COL28A1: variants seen among roughly 807,000 people sequenced by gnomAD.
COL28A1 encodes the protein collagen alpha-1(XXVIII) chain.
A neutral mutation model predicts 150.2 loss-of-function variants in COL28A1; 161 were observed. The observed-to-expected ratio is 1.07, with a 90% confidence interval of 0.94 to 1.22. The LOEUF (loss-of-function observed/expected upper bound fraction) is 1.22, where lower values mean the gene tolerates loss of function less well. Among genes scored for constraint, COL28A1 ranks in the 50% most tolerant of loss-of-function variants. The probability of loss-of-function intolerance (pLI) is 0.00; values close to 1 mark genes in which losing one functional copy is unlikely to be tolerated. For missense variants in COL28A1, 1,617 were observed against 1,388.3 expected (o/e 1.16, Z -2.62); for synonymous variants, 552 against 469.7 (o/e 1.18, Z -2.26).
chr7:7,508,319 T>A (rs1381757940), intron 9 of COL28A1, among the ~76,000 whole-genome samples: 1 of 152,172 alleles, frequency 6.6e-6, no homozygotes, highest in East Asian at 1.9e-4. Flanking sequence ...TACCATAATT[T>A]ATTTACTCAT....
rs1307313796 is a variant in COL28A1, at chr7:7,358,570, T to C, written c.*63A>G. On this transcript the variant is annotated 3_prime_UTR_variant, in exon 35 of 35. Transcript: ENST00000399429. ...CTCAAATATAGTGCTGTATTTGTAT[T>C]GGGTGAATATGTGGAAATTAGGGAG... 4 of 1,450,496 alleles carry C rather than the reference T, an allele frequency of 2.8e-6. No individual in the cohort carries two copies. The highest frequency in any genetic ancestry group is 1.9e-6 in the Non-Finnish European group (2 of 1,043,328). 89.9% of individuals were successfully genotyped at this position (1,450,496 alleles called of 1,614,324 possible). A position where few individuals can be genotyped will look rare whatever the true frequency, so the allele number is the denominator to read the frequency against.
intron 27 of COL28A1, among the ~76,000 whole-genome samples, chr7:7,384,541 A>G (rs1008556000): frequency 3.3e-5 from 5 of 152,142 alleles, no homozygotes; most frequent in African/African-American, 1.2e-4. Flanking sequence ...TAGTTGTTCT[A>G]TTTTATTATG....
intron 17 of COL28A1, among the ~76,000 whole-genome samples, chr7:7,453,081 A>G (rs1208230694): frequency 6.6e-6 from 1 of 152,230 alleles, no homozygotes; most frequent in Non-Finnish European, 1.5e-5. Context: ...CTAAGGTTTT[A>G]GTAGTTGCAC....
chr7:7,364,961 G>A (rs1780858718), intron 33 of COL28A1, among the ~76,000 whole-genome samples: 2 of 152,198 alleles, frequency 1.3e-5, no homozygotes, highest in South Asian at 4.2e-4. Context: ...GAAAGAGAAA[G>A]AGATAAATTT....
At chr7:7,481,340 G>A (rs17168152) in intron 13 of COL28A1, among the ~76,000 whole-genome samples, 16,263 of 152,208 alleles carry the variant, frequency 0.11, 1,011 homozygotes, top group Middle Eastern at 0.22. Context: ...CATCAGAGTA[G>A]TATTCCACGC....
chr7:7,526,050 T>C (rs887901341), intron 3 of COL28A1, among the ~76,000 whole-genome samples: 7 of 152,168 alleles, frequency 4.6e-5, no homozygotes, highest in African/African-American at 1.2e-4. Flanking sequence ...TATGGAGAAA[T>C]AGGAACTCAG....
At chr7:7,362,779 A>G (rs1780737268) in intron 33 of COL28A1, among the ~76,000 whole-genome samples, 1 of 152,216 alleles carries the variant, frequency 6.6e-6, no homozygotes, top group Non-Finnish European at 1.5e-5. Context: ...ATGCAGATAC[A>G]GCAATTTGAA....
At position 7,436,467 on chromosome 7, in the gene COL28A1, T is replaced by C. The variant is rs11984435; in HGVS notation, c.1792-4A>G. ...TCCCAGGTCCTCCTCTATCTCCCTGTACATTTCAAATAACATTTCACAGGC... is the reference window on the plus strand; with the variant it reads ...TCCCAGGTCCTCCTCTATCTCCCTGCACATTTCAAATAACATTTCACAGGC... On this transcript the variant is annotated splice_polypyrimidine_tract_variant and splice_region_variant and intron_variant, in intron 22 of 34. Transcript: ENST00000399429. 0.011 allele frequency: 13,670 copies of C among 1,295,510 alleles called. 322 individuals are homozygous for C. Among genetic ancestry groups the C allele is most frequent in the African/African-American group, 0.091 (6,217 of 68,660 alleles). The allele number at this position is 1,295,510 out of a possible 1,614,324, so 80.3% of individuals were successfully genotyped here. A position where few individuals can be genotyped will look rare whatever the true frequency, so the allele number is the denominator to read the frequency against.
intron 15 of COL28A1, among the ~76,000 whole-genome samples, chr7:7,461,133 A>G (rs543591064): frequency 7.9e-5 from 12 of 152,348 alleles, no homozygotes; most frequent in African/African-American, 2.6e-4. Flanking sequence ...CCCTGAACAC[A>G]TACCCCCACT....
intron 6 of COL28A1, among the ~76,000 whole-genome samples, chr7:7,519,274 A>G (rs1649587149): frequency 6.6e-6 from 1 of 152,148 alleles, no homozygotes; most frequent in Non-Finnish European, 1.5e-5. Flanking sequence ...CTTACTCACT[A>G]TCACAAGAAC....
At position 7,436,390 on chromosome 7, in the gene COL28A1, CAT is replaced by C. The variant is rs1344493199; in HGVS notation, c.1860+3_1860+4del. Reference sequence around the variant, plus strand: ...AAAAACAAAAAGAACATGAATAAAGCATACCTTTGGTCCTCGAATAGAAAGTC... The same window carrying C: ...AAAAACAAAAAGAACATGAATAAAGCACCTTTGGTCCTCGAATAGAAAGTC... On this transcript the variant is annotated splice_donor_region_variant and intron_variant, in intron 23 of 34. Coordinates refer to ENST00000399429, the MANE Select transcript of COL28A1 (RefSeq NM_001037763.3). 1 of 1,264,992 alleles carries C rather than the reference CAT, an allele frequency of 7.9e-7. No individual in the cohort carries two copies. The highest frequency in any genetic ancestry group is 1.7e-5 in the Admixed American group (1 of 59,576). The allele number at this position is 1,264,992 out of a possible 1,614,324, so 78.4% of individuals were successfully genotyped here. A position where few individuals can be genotyped will look rare whatever the true frequency, so the allele number is the denominator to read the frequency against.
intron 27 of COL28A1, among the ~76,000 whole-genome samples, chr7:7,412,863 G>A (rs930515185): frequency 1.3e-5 from 2 of 152,074 alleles, no homozygotes; most frequent in African/African-American, 4.8e-5. Context: ...TTAGTAAGCT[G>A]AGATTCAACA....
chr7:7,504,806 C>A (rs1780721478), intron 11 of COL28A1, among the ~76,000 whole-genome samples: 1 of 152,208 alleles, frequency 6.6e-6, no homozygotes, highest in Admixed American at 6.5e-5. Context: ...ATACTGCAAA[C>A]CCCAGCTCTG....
Position 7,383,247 on chromosome 7 carries a change from TTG to T in COL28A1, c.2137-1637_2137-1636del, listed in dbSNP as rs1205825477. ...CATTTCAAAATAATACATCTTTTTT[TTG>T]TTGTGTGTGTGTGTGTGTGTGTGTG... is the stretch of plus-strand genomic sequence containing the variant. On this transcript the variant is annotated intron_variant, in intron 27 of 34. Coordinates refer to ENST00000399429, the MANE Select transcript of COL28A1 (RefSeq NM_001037763.3). 4.3e-4 allele frequency among the ~76,000 whole-genome samples: 61 copies of T among 140,670 alleles called. 1 individual carries two copies. Among genetic ancestry groups the T allele is most frequent in the African/African-American group, 1.6e-3 (58 of 35,888 alleles). The allele number at this position is 140,670 out of a possible 152,430, so 92.3% of individuals were successfully genotyped here.
Position 7,452,381 on chromosome 7 carries a change from C to G in COL28A1, c.1447G>C (p.Val483Leu). The change falls in exon 18 of 35, where the codon GTA becomes CTA. Residue 483 changes from valine (V) to leucine (L), a missense_variant. Coordinates refer to ENST00000399429, the MANE Select transcript of COL28A1 (RefSeq NM_001037763.3). ...GGGCCTGTAGGTCCCATTTGGCCTA[C>G]TTCTCCCTAGTAAGAAAAGAGTTTA... is the stretch of plus-strand genomic sequence containing the variant. ...GQGLPGSKGE[V>L]GQMGPTGPRG... is the part of the protein sequence containing the mutation. The G allele has an allele frequency of 6.3e-7, 1 of 1,596,558 alleles. No homozygotes were observed. Among genetic ancestry groups the G allele is most frequent in the South Asian group, 1.1e-5 (1 of 87,346 alleles).
chr7:7,414,593 C>G (rs1232176858), intron 27 of COL28A1, among the ~76,000 whole-genome samples: 1 of 152,160 alleles, frequency 6.6e-6, no homozygotes, highest in Non-Finnish European at 1.5e-5. Flanking sequence ...GGTCCCAGAG[C>G]CCCAGGAAAG....
intron 5 of COL28A1, 72 bp downstream of exon 5, chr7:7,521,833 T>C: frequency 1.2e-6 from 1 of 828,390 alleles, no homozygotes; most frequent in Non-Finnish European, 2.2e-6. Context: ...ATAGCCCCGA[T>C]GTTTTCAAGA....
At chr7:7,398,049 A>C (rs1698531137) in intron 27 of COL28A1, among the ~76,000 whole-genome samples, 1 of 152,210 alleles carries the variant, frequency 6.6e-6, no homozygotes, top group Non-Finnish European at 1.5e-5. Context: ...ATGCCTGCTT[A>C]TAATAAATAG....
the COL28A1 span, among the ~76,000 whole-genome samples, chr7:7,340,194 G>T: frequency 6.6e-6 from 1 of 151,860 alleles, no homozygotes; most frequent in African/African-American, 2.4e-5. Context: ...TTTCACCATG[G>T]TAGCATGAGC....
Sources: gnomAD v4.1 joint callset for allele counts (sites outside exome capture counted in the v4.1 genomes callset) on GRCh38, gnomAD v4.1.1 for gene constraint, MANE v1.5 for transcripts, NCBI Gene and HGNC (gene_info 2026-07-23, HGNC 2026-07-21) for gene names.